FGR: variants seen among roughly 807,000 people sequenced by gnomAD.
FGR encodes the protein FGR proto-oncogene, Src family tyrosine kinase.
Under a neutral mutation model 63.2 loss-of-function variants are expected in FGR, and 26 were observed. That is an observed-to-expected ratio of 0.41 (90% CI 0.30 to 0.57). FGR has a LOEUF of 0.57. FGR is among the 20% of genes least tolerant of loss of function. The pLI is 0.27. For synonymous variants in FGR, 286 were observed against 277.7 expected (o/e 1.03, Z -0.30); for missense variants, 511 against 690.8 (o/e 0.74, Z 2.92).
intron 5 of FGR, among the ~76,000 whole-genome samples, chr1:27,620,919 C>T (rs1330520323): frequency 8.1e-6 from 1 of 122,838 alleles, no homozygotes; most frequent in Non-Finnish European, 1.6e-5. Context: ...CCAGGGAGGT[C>T]AAAGCTGCGG....
intron 11 of FGR, among the ~76,000 whole-genome samples, chr1:27,613,717 A>AAG (rs1557725265): frequency 9.6e-5 from 14 of 146,266 alleles, no homozygotes; most frequent in African/African-American, 3.1e-4. Flanking sequence ...AAAAAAAAAA[A>AAG]AGAGACAGAG....
intron 3 of FGR, 194 bp from the exon 4 acceptor site, chr1:27,623,338 T>C (rs2089964350): frequency 1.7e-6 from 1 of 595,810 alleles, no homozygotes; most frequent in Admixed American, 2.9e-5. Context: ...TTCAAGCCCA[T>C]TCCTCCCACC....
At chr1:27,634,170 G>C (rs1243243152) in intron 1 of FGR, among the ~76,000 whole-genome samples, 1 of 151,840 alleles carries the variant, frequency 6.6e-6, no homozygotes, top group African/African-American at 2.4e-5. Flanking sequence ...GGAGCCCCGC[G>C]GCGGCCCAGC....
chr1:27,622,924 ATG>A, intron 4 of FGR, 116 bp downstream of exon 4: 1 of 709,752 alleles, frequency 1.4e-6, no homozygotes, highest in Non-Finnish European at 2.5e-6. Flanking sequence ...TTTTATTGTT[ATG>A]TATATGTGTT....
rs1018221346 is a variant in FGR at position 27,616,566 on chromosome 1, T to C, written c.682+291A>G. ...CCACAGGGCAGTCCTGGTGCCTTGG[T>C]GGGGCATTCAGGCGGCACAAACACT... On this transcript the variant is annotated intron_variant, in intron 7 of 12. Coordinates refer to ENST00000374005, the MANE Select transcript of FGR (RefSeq NM_005248.3). The surrounding 1 kb of genome is among the most constrained non-coding windows in gnomAD (Gnocchi z 4.3). 1.3e-5 allele frequency among the ~76,000 whole-genome samples: 2 copies of C among 152,178 alleles called. No individual in the cohort carries two copies. The highest frequency in any genetic ancestry group is 2.4e-5 in the African/African-American group (1 of 41,438).
rs888231941 is a variant in FGR, at chr1:27,617,976, G to C, written c.429-680C>G. Among the ~76,000 whole-genome samples the C allele has an allele frequency of 1.3e-5, 2 of 152,178 alleles. No homozygotes were observed. The highest frequency in any genetic ancestry group is 4.8e-5 in the African/African-American group (2 of 41,428). ...CTAAACCAACTGTGCAGGTACAATG[G>C]GGGAGCTGAAGTGACCACAGGTGCC... On this transcript the variant is annotated intron_variant, in intron 5 of 12. Coordinates refer to ENST00000374005, the MANE Select transcript of FGR (RefSeq NM_005248.3). The surrounding 1 kb of genome is among the most constrained non-coding windows in gnomAD (Gnocchi z 4.5).
At position 27,615,479 on chromosome 1, in the gene FGR, C is replaced by G; in HGVS notation, c.973G>C (p.Val325Leu). ...HDKLVQLYAVVSEEPIYIVTE... is the reference protein window; with the variant it reads ...HDKLVQLYAVLSEEPIYIVTE... ...ACGATGTAGATGGGCTCCTCCGACACCACGGCGTACAGCTGCACCAGCTTG... is the reference window on the plus strand; with the variant it reads ...ACGATGTAGATGGGCTCCTCCGACAGCACGGCGTACAGCTGCACCAGCTTG... The change falls in exon 9 of 13, where the codon GTG becomes CTG. Residue 325 changes from valine (V) to leucine (L), a missense_variant. Val to Leu is a conservative substitution (Grantham distance 32). Coordinates refer to ENST00000374005, the MANE Select transcript of FGR (RefSeq NM_005248.3). The surrounding 1 kb of genome is among the most constrained non-coding windows in gnomAD (Gnocchi z 7.6). The G allele has an allele frequency of 6.2e-7, 1 of 1,611,800 alleles. No homozygotes were observed. Among genetic ancestry groups the G allele is most frequent in the South Asian group, 1.1e-5 (1 of 91,038 alleles).
intron 1 of FGR, among the ~76,000 whole-genome samples, chr1:27,628,178 A>C (rs528708039): frequency 4.9e-4 from 74 of 150,866 alleles, no homozygotes; most frequent in Non-Finnish European, 6.9e-4. Context: ...TCTCAAAAAA[A>C]AAAAAAACAA....
intron 1 of FGR, among the ~76,000 whole-genome samples, chr1:27,629,230 GA>G (rs1190769243): frequency 1.3e-5 from 2 of 152,014 alleles, no homozygotes; most frequent in African/African-American, 4.8e-5. Context: ...GAAAAGAAAA[GA>G]AAAAGCCCTG....
intron 1 of FGR, among the ~76,000 whole-genome samples, chr1:27,632,752 C>T (rs919817066): frequency 5.4e-5 from 8 of 147,686 alleles, no homozygotes; most frequent in Non-Finnish European, 9.0e-5. Flanking sequence ...CGGCGGGGGG[C>T]GGGGGTCCAG....
In FGR at chr1:27,612,724, C is replaced by G. The variant is rs2089717902; in HGVS notation, c.*190G>C. On this transcript the variant is annotated 3_prime_UTR_variant, in exon 13 of 13. Transcript: ENST00000374005. ...CTTGGGGCCAGAGCGGATGAGAGATCAGCTCTGGGCCTCCTTTTGCCCCAT... is the reference window on the plus strand; with the variant it reads ...CTTGGGGCCAGAGCGGATGAGAGATGAGCTCTGGGCCTCCTTTTGCCCCAT... The G allele has an allele frequency of 1.0e-5, 6 of 589,536 alleles. No individual in the cohort carries two copies. The Admixed American group carries it at 1.8e-4, about 18-fold the overall frequency. 36.5% of individuals were successfully genotyped at this position (589,536 alleles called of 1,614,324 possible).
intron 1 of FGR, among the ~76,000 whole-genome samples, chr1:27,632,594 C>T (rs1419283025): frequency 6.6e-6 from 1 of 152,178 alleles, no homozygotes; most frequent in Non-Finnish European, 1.5e-5. Flanking sequence ...TCCATGTGGT[C>T]CCGAGGCCAT....
chr1:27,616,982 T>C lies in FGR; in HGVS notation c.557A>G (p.Asp186Gly). ...ATGATCGCCTCTGGTCTGATCCCAG[T>C]CCCGGATGGACAGGGAGTAGGCACC... ...TKGAYSLSIRDWDQTRGDHVK... is the reference protein window; with the variant it reads ...TKGAYSLSIRGWDQTRGDHVK... The change falls in exon 7 of 13, where the codon GAC becomes GGC. Residue 186 changes from aspartate (D) to glycine (G), a missense_variant. Asp to Gly is a moderately conservative substitution (Grantham distance 94). Coordinates refer to ENST00000374005, the MANE Select transcript of FGR (RefSeq NM_005248.3). The surrounding 1 kb of genome is among the most constrained non-coding windows in gnomAD (Gnocchi z 4.3). The C allele has an allele frequency of 6.2e-7, 1 of 1,614,150 alleles. No individual in the cohort carries two copies.
intron 1 of FGR, among the ~76,000 whole-genome samples, chr1:27,628,287 G>A (rs1391424686): frequency 1.3e-5 from 2 of 152,032 alleles, no homozygotes; most frequent in African/African-American, 4.8e-5. Flanking sequence ...GATAGAGGCT[G>A]CAGTGAGCTA....
intron 1 of FGR, among the ~76,000 whole-genome samples, chr1:27,634,419 C>G (rs2090150062): frequency 6.6e-6 from 1 of 152,168 alleles, no homozygotes; most frequent in African/African-American, 2.4e-5. Flanking sequence ...CGGAACCTAC[C>G]GCAAGGGCGG....
At chr1:27,622,935 T>C in intron 4 of FGR, 107 bp downstream of exon 4, 1 of 780,080 alleles carries the variant, frequency 1.3e-6, no homozygotes, top group Non-Finnish European at 2.2e-6. Flanking sequence ...TGTATATGTG[T>C]TCCCAACTAG....
At chr1:27,614,351 G>T in intron 11 of FGR, 79 bp downstream of exon 11, 1 of 1,480,052 alleles carries the variant, frequency 6.8e-7, no homozygotes, top group South Asian at 1.3e-5. Flanking sequence ...GAGTGAGGAA[G>T]GGTTCCTGAG....
chr1:27,629,163 C>A (rs2090069144), intron 1 of FGR, among the ~76,000 whole-genome samples: 1 of 151,470 alleles, frequency 6.6e-6, no homozygotes, highest in Non-Finnish European at 1.5e-5. Context: ...AAGGAAGAGA[C>A]AGAGACAGAG....
intron 11 of FGR, 51 bp downstream of exon 11, chr1:27,614,379 A>G: frequency 6.3e-7 from 1 of 1,581,692 alleles, no homozygotes; most frequent in Non-Finnish European, 8.6e-7. Flanking sequence ...GGCCCCATGG[A>G]AGTCCCTTGT....
Sources: gnomAD v4.1 joint callset for allele counts (sites outside exome capture counted in the v4.1 genomes callset) on GRCh38, gnomAD v4.1.1 for gene constraint, Gnocchi (gnomAD v3.1) non-coding constraint, MANE v1.5 for transcripts, NCBI Gene and HGNC (gene_info 2026-07-23, HGNC 2026-07-21) for gene names.